LMO2: variants seen among roughly 807,000 people sequenced by gnomAD.
LMO2 encodes LIM domain only 2, also known as rhombotin-2.
LMO2 carries 20 observed loss-of-function variants against 23.2 expected under a neutral mutation model. The observed-to-expected ratio is 0.86, with a 90% CI of 0.61 to 1.25. The LOEUF is 1.25. Among genes scored for constraint, LMO2 ranks in the 50% most tolerant of loss-of-function variants. The pLI, the probability that LMO2 is intolerant of heterozygous loss-of-function variation, is 0.00. For missense variants in LMO2, 270 were observed against 315.3 expected, an observed-to-expected ratio of 0.86 and a Z score of 1.09; for synonymous variants, 123 against 130.2, an observed-to-expected ratio of 0.94 and a Z score of 0.38.
intron 2 of LMO2, among the ~76,000 whole-genome samples, chr11:33,879,231 T>C (rs559536016): frequency 6.6e-6 from 1 of 152,286 alleles, no homozygotes; most frequent in Admixed American, 6.5e-5. Flanking sequence ...TTTAAAACTT[T>C]GGTGCATCAA....
At position 33,869,338 on chromosome 11, in the gene LMO2, G is replaced by A. The variant is rs1337646540; in HGVS notation, c.248+8C>T. The A allele has an allele frequency of 6.7e-6, 8 of 1,194,472 alleles. No individual in the cohort carries two copies. Among genetic ancestry groups the A allele is most frequent in the East Asian group, 3.6e-5 (1 of 27,686 alleles). The allele number at this position is 1,194,472 out of a possible 1,614,324, so 74.0% of individuals were successfully genotyped here. ...CGGGGGTGGCAGGGGCAGGGGGGCC[G>A]CACTTACTCTGAAGGGTCCAGGCTC... On this transcript the variant is annotated splice_region_variant and intron_variant, in intron 4 of 5. Coordinates refer to ENST00000257818, the MANE Select transcript of LMO2 (RefSeq NM_005574.4).
intron 2 of LMO2, among the ~76,000 whole-genome samples, chr11:33,872,854 G>A (rs1234572586): frequency 6.6e-6 from 1 of 152,100 alleles, no homozygotes; most frequent in Non-Finnish European, 1.5e-5. Flanking sequence ...TCTGCCTCCT[G>A]GGTTCAAGCG....
intron 1 of LMO2, among the ~76,000 whole-genome samples, chr11:33,890,696 A>ATAT (rs909355201): frequency 2.6e-5 from 4 of 152,050 alleles, no homozygotes; most frequent in East Asian, 1.9e-4. Context: ...ATAATAAGTG[A>ATAT]TATTATTATT....
At chr11:33,888,928 G>A (rs1857477944) in intron 1 of LMO2, among the ~76,000 whole-genome samples, 1 of 152,204 alleles carries the variant, frequency 6.6e-6, no homozygotes, top group African/African-American at 2.4e-5. Flanking sequence ...TGAGGCTCAG[G>A]AAGGGTACGC....
chr11:33,877,281 T>C (rs190733299), intron 2 of LMO2, among the ~76,000 whole-genome samples: 2 of 152,032 alleles, frequency 1.3e-5, no homozygotes. Context: ...GTGTCTCTGA[T>C]CTAAGCCATT....
chr11:33,879,790 A>C (rs1023036559), intron 2 of LMO2, among the ~76,000 whole-genome samples: 3 of 152,230 alleles, frequency 2.0e-5, no homozygotes, highest in African/African-American at 7.2e-5. Context: ...TGCAAATCAA[A>C]ACTACAATGA....
chr11:33,886,803 C>T (rs1177928160), intron 1 of LMO2, among the ~76,000 whole-genome samples: 1 of 152,172 alleles, frequency 6.6e-6, no homozygotes, highest in Non-Finnish European at 1.5e-5. Flanking sequence ...AGGTGTCAGT[C>T]CAGGGGCCAA....
At position 33,891,834 on chromosome 11, in the gene LMO2, C is replaced by T. The variant is rs1438815984; in HGVS notation, c.-375G>A. The T allele has an allele frequency of 6.6e-6, 1 of 152,216 alleles. No homozygotes were observed. Among genetic ancestry groups the T allele is most frequent in the Non-Finnish European group, 1.5e-5 (1 of 68,070 alleles). The allele number at this position is 152,216 out of a possible 1,614,324, so 9.4% of individuals were successfully genotyped here. A position where few individuals can be genotyped will look rare whatever the true frequency, so the allele number is the denominator to read the frequency against. On this transcript the variant is annotated 5_prime_UTR_variant, in exon 1 of 6. The change abolishes the stop of an existing upstream ORF in the 5' untranslated region. Coordinates refer to ENST00000257818, the MANE Select transcript of LMO2 (RefSeq NM_005574.4). ...ATCCTGGTGGCTTCCCCCATCAGAT[C>T]TAGGCTGCCTGCCCCACGGATACCT...
chr11:33,878,066 C>A (rs1288206045), intron 2 of LMO2, among the ~76,000 whole-genome samples: 1 of 152,158 alleles, frequency 6.6e-6, no homozygotes, highest in Non-Finnish European at 1.5e-5. Flanking sequence ...CCTCTTGAGA[C>A]CTCAATTTTC....
At position 33,859,415 on chromosome 11, in the gene LMO2, A is replaced by G. The variant is rs1257772406; in HGVS notation, c.625T>C (p.Ser209Pro). 1.1e-5 allele frequency: 17 copies of G among 1,614,096 alleles called. No individual in the cohort carries two copies. Among genetic ancestry groups the G allele is most frequent in the Non-Finnish European group, 1.4e-5 (16 of 1,180,014 alleles). ...ATGTCCTGTTCGCACACTATGTCAG[A>G]GTTGATGAGGAGGTATCTGTCACCT... ...CVGDRYLLIN[S>P]DIVCEQDIYE... The change falls in exon 6 of 6, where the codon TCT (serine) becomes CCT (proline). Residue 209 changes from serine (S) to proline (P), a missense_variant. Ser to Pro is a moderately conservative substitution (Grantham distance 74, BLOSUM62 -1). Coordinates refer to ENST00000257818, the MANE Select transcript of LMO2 (RefSeq NM_005574.4).
rs1401226622 is a variant in LMO2, at chr11:33,891,989, A to G, written c.-530T>C. 3 of 152,248 alleles carry G rather than the reference A, an allele frequency of 2.0e-5. No homozygotes were observed. Among genetic ancestry groups the G allele is most frequent in the African/African-American group, 7.2e-5 (3 of 41,424 alleles). The allele number at this position is 152,248 out of a possible 1,614,324, so 9.4% of individuals were successfully genotyped here. On this transcript the variant is annotated 5_prime_UTR_variant, in exon 1 of 6. Coordinates refer to ENST00000257818, the MANE Select transcript of LMO2 (RefSeq NM_005574.4). ...CCCTTGTGAATAGCAAAGCCCACTT[A>G]ACGGCTGAGGGCAGGTGGGGGTATT...
chr11:33,860,378 G>C (rs1003713972), intron 5 of LMO2, among the ~76,000 whole-genome samples: 1 of 152,212 alleles, frequency 6.6e-6, no homozygotes, highest in Non-Finnish European at 1.5e-5. Flanking sequence ...GTCAAGGTGG[G>C]AGACAGAACA....
At chr11:33,865,639 G>A (rs775252993) in intron 4 of LMO2, among the ~76,000 whole-genome samples, 11 of 152,152 alleles carry the variant, frequency 7.2e-5, no homozygotes, top group Non-Finnish European at 1.6e-4. Context: ...AAAATGAAGT[G>A]GGGGCAATGA....
chr11:33,871,201 CTGTGTGTGTGTGTGTGTGTGTG>C (rs56309116), intron 2 of LMO2: 8 of 160,158 alleles, frequency 5.0e-5, no homozygotes, highest in South Asian at 2.2e-4. Flanking sequence ...TAATCAAAAG[CTGTGTGTGTGTGTGTGTGTGTG>C]TGTGTGTGTG....
At chr11:33,870,941 T>C in intron 2 of LMO2, 1 of 467,356 alleles carries the variant, frequency 2.1e-6, no homozygotes, top group Non-Finnish European at 2.8e-6. Context: ...AAACTTAGGC[T>C]CTCCTGGGCC....
intron 5 of LMO2, among the ~76,000 whole-genome samples, chr11:33,862,948 T>G (rs1856637701): frequency 9.3e-6 from 1 of 107,692 alleles, no homozygotes; most frequent in African/African-American, 3.1e-5. Context: ...TCCCAGACTG[T>G]TTTTTTTTTC....
At chr11:33,886,713 T>C (rs369490165) in intron 1 of LMO2, among the ~76,000 whole-genome samples, 1 of 152,214 alleles carries the variant, frequency 6.6e-6, no homozygotes, top group South Asian at 2.1e-4. Context: ...TGGTGGGGAA[T>C]AGACAGCCTC....
chr11:33,875,295 C>T (rs962275747), intron 2 of LMO2, among the ~76,000 whole-genome samples: 7 of 152,134 alleles, frequency 4.6e-5, no homozygotes, highest in Admixed American at 2.6e-4. Context: ...AATGTTTGGG[C>T]GGCCGGGCGA....
intron 4 of LMO2, among the ~76,000 whole-genome samples, chr11:33,866,518 C>T (rs886290449): frequency 6.6e-6 from 1 of 152,178 alleles, no homozygotes; most frequent in African/African-American, 2.4e-5. Flanking sequence ...AGCCAGTAGT[C>T]CCAGCTACCC....
Sources: gnomAD v4.1 joint callset for allele counts (sites outside exome capture counted in the v4.1 genomes callset) on GRCh38, gnomAD v4.1.1 for gene constraint, MANE v1.5 for transcripts, NCBI Gene and HGNC (gene_info 2026-07-23, HGNC 2026-07-21) for gene names.